JAKMIP2: variants seen among roughly 807,000 people sequenced by gnomAD.
JAKMIP2 encodes janus kinase and microtubule interacting protein 2, also known as janus kinase and microtubule-interacting protein 2.
In JAKMIP2, 25 loss-of-function variants were observed where a neutral mutation model predicts 115.0. The observed-to-expected ratio is 0.22, with a 90% CI of 0.16 to 0.30. The LOEUF (loss-of-function observed/expected upper bound fraction) is 0.30. Among genes scored for constraint, JAKMIP2 ranks in the 10% least tolerant of loss-of-function variants. The pLI is 1.00. For missense variants in JAKMIP2, 642 were observed against 957.6 expected (o/e 0.67, Z 4.35); for synonymous variants, 334 against 343.6 (o/e 0.97, Z 0.31).
chr5:147,631,618 G>A, intron 13 of JAKMIP2, 107 bp from the exon 14 acceptor site: 1 of 596,784 alleles, frequency 1.7e-6, no homozygotes, highest in South Asian at 3.4e-5. Context: ...ACTGTCATTT[G>A]GCAAAAAGAA....
chr5:147,607,236 A>C (rs1756064152), intron 20 of JAKMIP2, among the ~76,000 whole-genome samples: 1 of 152,232 alleles, frequency 6.6e-6, no homozygotes, highest in African/African-American at 2.4e-5. Context: ...AAGAGACAGC[A>C]TCCTTGTTTT....
At position 147,688,204 on chromosome 5, in the gene JAKMIP2, C is replaced by T. The variant is rs145075202; in HGVS notation, c.-148-16250G>A. ...TGTCCAGAGCATTATGAAGATTTAA[C>T]ACAAGGCTATGTATCATTCATTGTC... is the stretch of plus-strand genomic sequence containing the variant. On this transcript the variant is annotated intron_variant, in intron 1 of 21. Transcript: ENST00000616793. Among the ~76,000 whole-genome samples, 177 of 152,270 alleles carry T rather than the reference C, an allele frequency of 1.2e-3. 3 individuals carry two copies. In the East Asian group the frequency reaches 0.032, roughly 27 times the overall value.
At chr5:147,637,572 T>G (rs1038500221) in intron 10 of JAKMIP2, among the ~76,000 whole-genome samples, 1 of 151,628 alleles carries the variant, frequency 6.6e-6, no homozygotes, top group Admixed American at 6.6e-5. Context: ...CCCAAATAGC[T>G]TGGATTACAG....
At chr5:147,627,539 G>A (rs1031198170) in intron 16 of JAKMIP2, among the ~76,000 whole-genome samples, 2 of 151,988 alleles carry the variant, frequency 1.3e-5, no homozygotes, top group Non-Finnish European at 2.9e-5. Flanking sequence ...CATTTGCTGG[G>A]GAGGGATCAG....
intron 5 of JAKMIP2, among the ~76,000 whole-genome samples, chr5:147,647,801 T>C (rs949080089): frequency 6.6e-6 from 1 of 152,184 alleles, no homozygotes; most frequent in Non-Finnish European, 1.5e-5. Context: ...ATTCTACTCC[T>C]CTGCATATTC....
intron 1 of JAKMIP2, 107 bp downstream of exon 1, chr5:147,782,349 T>C (rs1755792139): frequency 8.9e-7 from 1 of 1,124,188 alleles, no homozygotes; most frequent in South Asian, 1.3e-5. Flanking sequence ...CTCCCCCTTC[T>C]AGTCTGAGGC....
At chr5:147,768,552 T>A (rs190676935) in intron 1 of JAKMIP2, among the ~76,000 whole-genome samples, 145 of 152,286 alleles carry the variant, frequency 9.5e-4, no homozygotes, top group Non-Finnish European at 1.9e-3. Flanking sequence ...AAAAAACAGA[T>A]ACTCTTTGGT....
At chr5:147,651,429 TTTTTAAAG>T (rs1417137312) in intron 3 of JAKMIP2, among the ~76,000 whole-genome samples, 16 of 152,206 alleles carry the variant, frequency 1.1e-4, no homozygotes, top group African/African-American at 2.9e-4. Flanking sequence ...CTATAAACAA[TTTTTAAAG>T]AGAGCATAGC....
At chr5:147,657,015 C>T (rs997664746) in intron 3 of JAKMIP2, among the ~76,000 whole-genome samples, 1 of 152,174 alleles carries the variant, frequency 6.6e-6, no homozygotes, top group African/African-American at 2.4e-5. Context: ...CACTGTGGCT[C>T]ACACCTGTAA....
intron 20 of JAKMIP2, among the ~76,000 whole-genome samples, chr5:147,605,010 G>A (rs569030934): frequency 2.0e-5 from 3 of 151,252 alleles, no homozygotes; most frequent in African/African-American, 7.3e-5. Context: ...GGTGTGTGAT[G>A]TTCCCCAACC....
At chr5:147,773,943 T>G (rs929420290) in intron 1 of JAKMIP2, among the ~76,000 whole-genome samples, 3 of 152,144 alleles carry the variant, frequency 2.0e-5, no homozygotes, top group Admixed American at 2.0e-4. Context: ...TCTACTTCAT[T>G]TTTAAAAAGC....
Position 147,767,189 on chromosome 5 carries a change from C to T in JAKMIP2, c.-149+15267G>A, listed in dbSNP as rs76366715. Among the ~76,000 whole-genome samples, 1,274 of 152,182 alleles carry T rather than the reference C, an allele frequency of 8.4e-3. 19 individuals are homozygous for T. Among genetic ancestry groups the T allele is most frequent in the Middle Eastern group, 0.048 (14 of 294 alleles). ...AATGGCAACATTGTGTGTGCACACG[C>T]GTGCACGCACACACACATATACACA... On this transcript the variant is annotated intron_variant, in intron 1 of 21. Coordinates refer to ENST00000616793, the MANE Select transcript of JAKMIP2 (RefSeq NM_001270941.2).
rs181591004 is a variant in JAKMIP2 at position 147,614,792 on chromosome 5, C to G, written c.2347-2421G>C. 2.2e-4 allele frequency among the ~76,000 whole-genome samples: 33 copies of G among 152,366 alleles called. No individual in the cohort carries two copies. The East Asian group carries it at 6.2e-3, about 28-fold the overall frequency. ...AACGTCTCCTCCTATCAACCTCACT[C>G]TGGCTCTGCGTGCTCCTGACATTCT... On this transcript the variant is annotated intron_variant, in intron 19 of 21. Transcript: ENST00000616793.
intron 1 of JAKMIP2, among the ~76,000 whole-genome samples, chr5:147,778,093 C>G (rs939418765): frequency 4.6e-5 from 7 of 151,852 alleles, no homozygotes; most frequent in Non-Finnish European, 1.0e-4. Flanking sequence ...TAATCAGATC[C>G]TAAACACGGA....
intron 2 of JAKMIP2, among the ~76,000 whole-genome samples, chr5:147,671,329 AATAACCT>A (rs1417155236): frequency 1.3e-5 from 2 of 152,210 alleles, no homozygotes; most frequent in African/African-American, 4.8e-5. Context: ...TCTGGGAGTT[AATAACCT>A]ATAGAGGGCA....
chr5:147,656,174 T>A (rs1433567223), intron 3 of JAKMIP2, among the ~76,000 whole-genome samples: 1 of 152,244 alleles, frequency 6.6e-6, no homozygotes, highest in Non-Finnish European at 1.5e-5. Flanking sequence ...ATTATGTTGA[T>A]CTGGAATAGA....
chr5:147,594,988 C>T (rs1755296326), intron 21 of JAKMIP2, among the ~76,000 whole-genome samples: 1 of 151,970 alleles, frequency 6.6e-6, no homozygotes, highest in African/African-American at 2.4e-5. Flanking sequence ...GAATGGGTAT[C>T]AACCATTTAA....
chr5:147,758,997 T>C (rs2127041684), intron 1 of JAKMIP2, among the ~76,000 whole-genome samples: 1 of 152,236 alleles, frequency 6.6e-6, no homozygotes, highest in East Asian at 1.9e-4. Flanking sequence ...CTTGTGACCT[T>C]CTTTTATTTT....
intron 20 of JAKMIP2, among the ~76,000 whole-genome samples, chr5:147,605,551 T>G (rs1010705851): frequency 6.6e-6 from 1 of 152,162 alleles, no homozygotes; most frequent in Non-Finnish European, 1.5e-5. Flanking sequence ...TCATGGGCAT[T>G]TGGGTTGGTT....
Sources: allele counts gnomAD v4.1 joint callset (sites outside exome capture counted in the v4.1 genomes callset), GRCh38; gene constraint gnomAD v4.1.1; transcripts MANE v1.5; gene names NCBI Gene and HGNC (gene_info 2026-07-23, HGNC 2026-07-21).